GIT1: variants seen among roughly 807,000 people sequenced by gnomAD.
GIT1 encodes the protein ARF GTPase-activating protein GIT1.
A neutral mutation model predicts 91.7 loss-of-function variants in GIT1; 14 were observed. That is an observed-to-expected ratio of 0.15 (90% CI 0.10 to 0.24). The LOEUF (loss-of-function observed/expected upper bound fraction) is 0.24, where lower values mean the gene tolerates loss of function less well. GIT1 is among the 10% of genes least tolerant of loss of function. GIT1 has a pLI of 1.00. For missense variants in GIT1, 717 were observed against 1,024.9 expected (o/e 0.70, Z 4.10); for synonymous variants, 414 against 418.2 (o/e 0.99, Z 0.12).
Position 29,583,478 on chromosome 17 carries a change from T to C in GIT1, c.186+5A>G. ...AAGGAAGAACCACCCGACTGAGCCC[T>C]GTACCTGCAGCAGCGTGGGAGGCCA... On this transcript the variant is annotated splice_donor_5th_base_variant and intron_variant, in intron 2 of 19. Transcript: ENST00000225394. 1.2e-6 allele frequency: 2 copies of C among 1,611,580 alleles called. No homozygotes were observed. Among genetic ancestry groups the C allele is most frequent in the African/African-American group, 1.3e-5 (1 of 75,016 alleles).
chr17:29,578,162 C>G, intron 9 of GIT1, 137 bp downstream of exon 9: 2 of 739,352 alleles, frequency 2.7e-6, no homozygotes, highest in South Asian at 3.1e-5. Context: ...GGCAGGCTCA[C>G]AGCCAGCAGG....
At chr17:29,588,546 T>TCTGGCCAGA in intron 1 of GIT1, among the ~76,000 whole-genome samples, 1 of 152,242 alleles carries the variant, frequency 6.6e-6, no homozygotes, top group Middle Eastern at 3.4e-3. Flanking sequence ...CCCACCCATT[T>TCTGGCCAGA]CTGGCCAGAC....
chr17:29,589,289 T>C lies in GIT1; in HGVS notation c.52+38A>G. 1.1e-6 allele frequency: 1 copy of C among 944,578 alleles called. No individual in the cohort carries two copies. The allele number at this position is 944,578 out of a possible 1,614,324, so 58.5% of individuals were successfully genotyped here. On this transcript the variant is annotated intron_variant, in intron 1 of 19. Transcript: ENST00000225394. This position sits in a 1 kb window ranked among gnomAD's most constrained non-coding sequence, Gnocchi z 5.2. ...CCCCGGCGCCCGCCCGGCGGCGGCC[T>C]GGCTGTGCGGTCCCGCCCCCGGCCC...
At chr17:29,582,673 C>T (rs1306940306) in intron 4 of GIT1, 25 bp downstream of exon 4, 1 of 1,433,554 alleles carries the variant, frequency 7.0e-7, no homozygotes, top group Admixed American at 1.7e-5. Flanking sequence ...AGGGGGCCAC[C>T]CATCTGTTGT....
intron 4 of GIT1, among the ~76,000 whole-genome samples, 162 bp downstream of exon 4, chr17:29,582,536 C>G (rs538638786): frequency 6.6e-6 from 1 of 152,224 alleles, no homozygotes; most frequent in South Asian, 2.1e-4. Flanking sequence ...CAGCCACACA[C>G]GGCCTGACCC....
Position 29,578,792 on chromosome 17 carries a change from G to A in GIT1, c.762-13C>T. The stretch of plus-strand genomic sequence containing the variant: ...GGATAAGTCAAGGCTGAGGGCAGAG[G>A]GAGATGGGAATTGGGAGGAGAGGAG... On this transcript the variant is annotated splice_polypyrimidine_tract_variant and intron_variant, in intron 7 of 19. Coordinates refer to ENST00000225394, the MANE Select transcript of GIT1 (RefSeq NM_014030.4). 1 of 1,613,680 alleles carries A rather than the reference G, an allele frequency of 6.2e-7. No individual in the cohort carries two copies.
intron 1 of GIT1, chr17:29,583,880 G>T: frequency 6.5e-6 from 3 of 464,678 alleles, no homozygotes; most frequent in Non-Finnish European, 1.1e-5. Flanking sequence ...CATTCAGCAG[G>T]CACAGTTTCC....
At chr17:29,583,865 G>C (rs2033489853) in intron 1 of GIT1, 1 of 497,868 alleles carries the variant, frequency 2.0e-6, no homozygotes, top group Non-Finnish European at 3.5e-6. Context: ...GCAGTCCCCA[G>C]GGCCCATTCA....
At position 29,581,840 on chromosome 17, in the gene GIT1, T is replaced by C; in HGVS notation, c.624-4A>G. On this transcript the variant is annotated splice_polypyrimidine_tract_variant and splice_region_variant and intron_variant, in intron 5 of 19. Coordinates refer to ENST00000225394, the MANE Select transcript of GIT1 (RefSeq NM_014030.4). The surrounding 1 kb of genome is among the most constrained non-coding windows in gnomAD (Gnocchi z 4.8). The stretch of plus-strand genomic sequence containing the variant: ...CAGCTCATGGTGCCCCGCCTGCCTG[T>C]GAGGAGGGGGTATGGCTCAGACCTG... The C allele has an allele frequency of 6.2e-7, 1 of 1,611,982 alleles. No homozygotes were observed. The highest frequency in any genetic ancestry group is 8.5e-7 in the Non-Finnish European group (1 of 1,179,232).
chr17:29,577,558 C>G, intron 10 of GIT1, 87 bp downstream of exon 10: 1 of 885,228 alleles, frequency 1.1e-6, no homozygotes, highest in East Asian at 2.4e-5. Flanking sequence ...TGCTGGAGAG[C>G]TGGCTCAGGC....
intron 1 of GIT1, among the ~76,000 whole-genome samples, chr17:29,587,103 T>G (rs1198709158): frequency 6.6e-6 from 1 of 152,026 alleles, no homozygotes; most frequent in Non-Finnish European, 1.5e-5. Flanking sequence ...CCTATCATAA[T>G]AAAAGAAGCC....
Position 29,582,816 on chromosome 17 carries a change from C to T in GIT1, c.300-13G>A. 1 of 1,606,692 alleles carries T rather than the reference C, an allele frequency of 6.2e-7. No homozygotes were observed. Among genetic ancestry groups the T allele is most frequent in the Non-Finnish European group, 8.5e-7 (1 of 1,173,774 alleles). On this transcript the variant is annotated splice_polypyrimidine_tract_variant and intron_variant, in intron 3 of 19. Transcript: ENST00000225394. Reference sequence around the variant, plus strand: ...TGACTTGATGGGGCTGCATGGGGCACACAGGAGGAATGGGGAGCATGGTGG... The same window carrying T: ...TGACTTGATGGGGCTGCATGGGGCATACAGGAGGAATGGGGAGCATGGTGG...
intron 4 of GIT1, 143 bp from the exon 5 acceptor site, chr17:29,582,287 C>T (rs959771667): frequency 3.1e-6 from 2 of 638,390 alleles, no homozygotes; most frequent in East Asian, 5.5e-5. Context: ...AGGACAGAGG[C>T]TTCCCGCTAG....
chr17:29,586,625 C>A (rs1488312744), intron 1 of GIT1, among the ~76,000 whole-genome samples: 1 of 152,194 alleles, frequency 6.6e-6, no homozygotes, highest in African/African-American at 2.4e-5. Flanking sequence ...TGTAGCTTGT[C>A]CCGTAACATG....
Position 29,575,229 on chromosome 17 carries a change from G to C in GIT1, c.2009+59C>G. ...GAACCCAGGGCCCCTCATGCTCTCT[G>C]CAACACCCTAGAAGCCAACAGGAAC... On this transcript the variant is annotated intron_variant, in intron 18 of 19. Coordinates refer to ENST00000225394, the MANE Select transcript of GIT1 (RefSeq NM_014030.4). The surrounding 1 kb of genome is among the most constrained non-coding windows in gnomAD (Gnocchi z 5.5). The C allele has an allele frequency of 3.2e-6, 5 of 1,566,560 alleles. No homozygotes were observed. The highest frequency in any genetic ancestry group is 4.4e-6 in the Non-Finnish European group (5 of 1,148,334).
intron 7 of GIT1, chr17:29,579,207 CCACCTGGCAGT>C: frequency 1.7e-6 from 1 of 581,232 alleles, no homozygotes; most frequent in East Asian, 2.8e-5. Flanking sequence ...CCAGTGTCAG[CCACCTGGCAGT>C]CACCTGAAGC....
In GIT1 at chr17:29,576,384, G is replaced by A. The variant is rs200191554; in HGVS notation, c.1447C>T (p.Leu483Phe). The A allele has an allele frequency of 4.6e-5, 74 of 1,613,388 alleles. No homozygotes were observed. In the Admixed American group the frequency reaches 4.8e-4, roughly 11 times the overall value. Reference sequence around the variant, plus strand: ...GTGTGTTCCGCCCGTTCACTGGGGAGTGGAGGTGTGGGCACCGGCCCTGGA... The same window carrying A: ...GTGTGTTCCGCCCGTTCACTGGGGAATGGAGGTGTGGGCACCGGCCCTGGA... ...QPPGPVPTPPLPSERAEHTPM... is the reference protein window; with the variant it reads ...QPPGPVPTPPFPSERAEHTPM... Residue 483 changes from leucine (L) to phenylalanine (F), a missense_variant, in exon 14 of 20, where the codon CTC becomes TTC. Leu to Phe is a conservative substitution (Grantham distance 22). Transcript: ENST00000225394.
At position 29,581,892 on chromosome 17, in the gene GIT1, A is replaced by ACAGCACCCATCAG; in HGVS notation, c.623+34_623+35insCTGATGGGTGCTG. ...AGCAGCAGCCCTCACCCACACCCCC[A>ACAGCACCCATCAG]CCCACCCACACTGCACCCTTCAGCC... On this transcript the variant is annotated intron_variant, in intron 5 of 19. Transcript: ENST00000225394. The surrounding 1 kb of genome is among the most constrained non-coding windows in gnomAD (Gnocchi z 4.8). The ACAGCACCCATCAG allele has an allele frequency of 8.4e-7, 1 of 1,191,618 alleles. No individual in the cohort carries two copies. The highest frequency in any genetic ancestry group is 1.2e-6 in the Non-Finnish European group (1 of 824,556). 73.8% of individuals were successfully genotyped at this position (1,191,618 alleles called of 1,614,324 possible). A position where few individuals can be genotyped will look rare whatever the true frequency, so the allele number is the denominator to read the frequency against.
intron 1 of GIT1, among the ~76,000 whole-genome samples, chr17:29,584,886 G>A (rs2033536214): frequency 6.6e-6 from 1 of 151,426 alleles, no homozygotes; most frequent in Non-Finnish European, 1.5e-5. Flanking sequence ...CCTGAGCTCT[G>A]CCCACAGCAA....
Sources: gnomAD v4.1 joint callset for allele counts (sites outside exome capture counted in the v4.1 genomes callset) on GRCh38, gnomAD v4.1.1 for gene constraint, Gnocchi (gnomAD v3.1) non-coding constraint, MANE v1.5 for transcripts, NCBI Gene and HGNC (gene_info 2026-07-23, HGNC 2026-07-21) for gene names.